The following RASGRP3 variants were observed in gnomAD, a reference collection of about 807,000 sequenced individuals.
RASGRP3 encodes RAS guanyl releasing protein 3, also known as ras guanyl-releasing protein 3.
In RASGRP3, 54 loss-of-function variants were observed where a neutral mutation model predicts 82.7. That is an observed-to-expected ratio of 0.65 (90% confidence interval 0.52 to 0.82). The LOEUF (loss-of-function observed/expected upper bound fraction) is 0.82. Among genes scored for constraint, RASGRP3 ranks in the 40% least tolerant of loss-of-function variants. The probability of loss-of-function intolerance (pLI) is 0.00; values close to 1 mark genes in which losing one functional copy is unlikely to be tolerated. For missense variants in RASGRP3, 861 were observed against 828.9 expected (o/e 1.04, Z -0.48); for synonymous variants, 309 against 300.5 (o/e 1.03, Z -0.29).
At position 33,496,726 on chromosome 2, in the gene RASGRP3, G is replaced by A. The variant is rs771785285; in HGVS notation, c.-260-14984G>A. Among the ~76,000 whole-genome samples the A allele has an allele frequency of 5.3e-5, 8 of 152,204 alleles. No homozygotes were observed. The East Asian group carries it at 9.7e-4, about 18-fold the overall frequency. On this transcript the variant is annotated intron_variant, in intron 1 of 17. Coordinates refer to ENST00000403687, the MANE Select transcript of RASGRP3 (RefSeq NM_001139488.2). The stretch of plus-strand genomic sequence containing the variant: ...ACAAAAATTAGCAAGGTGTGGCGGC[G>A]CATGCCTGTAGTCCCAACTACTCAG...
intron 2 of RASGRP3, among the ~76,000 whole-genome samples, chr2:33,466,378 T>G (rs775719930): frequency 5.3e-4 from 81 of 152,234 alleles, no homozygotes; most frequent in Admixed American, 2.8e-3. Flanking sequence ...TTTGAGGGGT[T>G]TAAGATTTCA....
intron 1 of RASGRP3, among the ~76,000 whole-genome samples, chr2:33,505,832 A>G (rs1243908520): frequency 6.6e-6 from 1 of 152,150 alleles, no homozygotes; most frequent in Non-Finnish European, 1.5e-5. Flanking sequence ...GGTGTCTAGC[A>G]TGTATATATA....
intron 2 of RASGRP3, among the ~76,000 whole-genome samples, chr2:33,456,573 T>C (rs61371572): frequency 0.012 from 1,876 of 152,322 alleles, 36 homozygotes; most frequent in African/African-American, 0.043. Context: ...TTCCATCTTA[T>C]TCCTGTTGAA....
At chr2:33,471,686 C>G (rs1015316902), upstream of RASGRP3, among the ~76,000 whole-genome samples, 1 of 151,956 alleles carries the variant, frequency 6.6e-6, no homozygotes, top group African/African-American at 2.4e-5. Context: ...GTAATCTGAA[C>G]TAAGAGCTTT....
chr2:33,501,816 A>C (rs1170253698), intron 1 of RASGRP3, among the ~76,000 whole-genome samples: 1 of 152,220 alleles, frequency 6.6e-6, no homozygotes, highest in African/African-American at 2.4e-5. Flanking sequence ...GTATGACCAG[A>C]GGCAGAAAAA....
intron 8 of RASGRP3, 101 bp downstream of exon 8, chr2:33,524,153 C>A (rs568659386): frequency 1.2e-4 from 158 of 1,340,930 alleles, no homozygotes; most frequent in Admixed American, 7.9e-4. Context: ...ATAAGGGCAT[C>A]GGACAACTAA....
intron 2 of RASGRP3, among the ~76,000 whole-genome samples, chr2:33,456,595 C>T (rs1042639547): frequency 6.6e-6 from 1 of 152,082 alleles, no homozygotes; most frequent in East Asian, 1.9e-4. Flanking sequence ...ATTTTAGTTC[C>T]ACTCTGTTTT....
intron 12 of RASGRP3, among the ~76,000 whole-genome samples, chr2:33,543,221 C>A (rs1574469358): frequency 1.3e-5 from 2 of 152,136 alleles, no homozygotes; most frequent in Non-Finnish European, 2.9e-5. Context: ...CTCTATATTG[C>A]TCAGGCTGGT....
intron 2 of RASGRP3, among the ~76,000 whole-genome samples, chr2:33,471,216 C>T (rs1041035770): frequency 6.6e-6 from 1 of 152,042 alleles, no homozygotes; most frequent in Non-Finnish European, 1.5e-5. Flanking sequence ...TTCTCTGTTG[C>T]CCAGTCTGGA....
At chr2:33,489,480 G>A (rs1217012185) in intron 1 of RASGRP3, among the ~76,000 whole-genome samples, 2 of 152,312 alleles carry the variant, frequency 1.3e-5, no homozygotes, top group Non-Finnish European at 2.9e-5. Flanking sequence ...AAGATCAAAT[G>A]TTGGCAGGCA....
At chr2:33,555,590 C>A in intron 15 of RASGRP3, 23 bp downstream of exon 15, 1 of 1,552,188 alleles carries the variant, frequency 6.4e-7, no homozygotes, top group Non-Finnish European at 8.8e-7. Flanking sequence ...TATTTTGTTA[C>A]AATTTTTAAA....
At chr2:33,467,977 GCTTTTTCTTTCTTTCTTT>G (rs1242586019) in intron 2 of RASGRP3, among the ~76,000 whole-genome samples, 5 of 142,580 alleles carry the variant, frequency 3.5e-5, no homozygotes, top group Admixed American at 2.1e-4. Flanking sequence ...GGATGGTGAG[GCTTTTTCTTTCTTTCTTT>G]CTTTCTTTCT....
At chr2:33,560,736 G>T (rs1036415088) in intron 17 of RASGRP3, among the ~76,000 whole-genome samples, 4 of 152,244 alleles carry the variant, frequency 2.6e-5, no homozygotes, top group Non-Finnish European at 2.9e-5. Flanking sequence ...ACGCCTACCA[G>T]AGTGCTCAGG....
At chr2:33,536,372 G>C (rs1673613315) in intron 11 of RASGRP3, among the ~76,000 whole-genome samples, 1 of 151,120 alleles carries the variant, frequency 6.6e-6, no homozygotes. Flanking sequence ...ACTAGGTCTG[G>C]TGAGAGTAGG....
intron 1 of RASGRP3, among the ~76,000 whole-genome samples, chr2:33,487,359 T>C (rs1017790021): frequency 2.0e-5 from 3 of 152,010 alleles, no homozygotes; most frequent in African/African-American, 7.3e-5. Context: ...CAAAGATAGG[T>C]TTGAACAAAG....
At chr2:33,539,986 T>TGAAA (rs1407218385) in intron 12 of RASGRP3, 4 of 106,228 alleles carry the variant, frequency 3.8e-5, no homozygotes, top group Non-Finnish European at 5.7e-5. Context: ...AGACTCCGTC[T>TGAAA]GAAAAAAAAA....
intron 3 of RASGRP3, 144 bp from the exon 4 acceptor site, chr2:33,516,398 C>T (rs1469058898): frequency 1.8e-6 from 1 of 568,150 alleles, no homozygotes; most frequent in Non-Finnish European, 3.1e-6. Flanking sequence ...CAGAGCAAGA[C>T]TCCATCTTAA....
intron 12 of RASGRP3, among the ~76,000 whole-genome samples, chr2:33,543,278 C>T (rs905335991): frequency 1.3e-5 from 2 of 152,178 alleles, no homozygotes; most frequent in African/African-American, 2.4e-5. Flanking sequence ...GCCTCCAACT[C>T]CCAAAGTGCT....
At chr2:33,547,590 A>G (rs1426013293) in intron 13 of RASGRP3, among the ~76,000 whole-genome samples, 1 of 151,998 alleles carries the variant, frequency 6.6e-6, no homozygotes, top group Non-Finnish European at 1.5e-5. Context: ...CATCAGGAAG[A>G]GAGGTCTAGC....
Sources: gnomAD v4.1 joint callset for allele counts (sites outside exome capture counted in the v4.1 genomes callset) on GRCh38, gnomAD v4.1.1 for gene constraint, MANE v1.5 for transcripts, NCBI Gene and HGNC (gene_info 2026-07-23, HGNC 2026-07-21) for gene names.